Variants in PATJ observed in about 807,000 individuals in gnomAD.
PATJ encodes PATJ crumbs cell polarity complex component.
In PATJ, 190 loss-of-function variants were observed where a neutral mutation model predicts 224.9. The observed-to-expected ratio is 0.84, with a 90% CI of 0.75 to 0.95. PATJ has a LOEUF of 0.95. Among genes scored for constraint, PATJ ranks in the 40% least tolerant of loss-of-function variants. PATJ has a pLI of 0.00. For missense variants in PATJ, 2,121 were observed against 2,270.3 expected (o/e 0.93, Z 1.34); for synonymous variants, 769 against 820.3 (o/e 0.94, Z 1.07).
chr1:61,895,980 G>A (rs560112898), intron 22 of PATJ, among the ~76,000 whole-genome samples: 245 of 152,296 alleles, frequency 1.6e-3, no homozygotes, highest in African/African-American at 5.5e-3. Context: ...ATGGAGTCAA[G>A]GGAGATCATT....
intron 11 of PATJ, 87 bp downstream of exon 11, chr1:61,797,515 C>A: frequency 8.6e-7 from 1 of 1,167,212 alleles, no homozygotes; most frequent in Non-Finnish European, 1.3e-6. Context: ...TGAGTCTCAG[C>A]AGGAAATGTT....
At chr1:62,044,851 T>C in intron 30 of PATJ, among the ~76,000 whole-genome samples, 1 of 152,218 alleles carries the variant, frequency 6.6e-6, no homozygotes, top group Non-Finnish European at 1.5e-5. Context: ...CAGAGGGAAA[T>C]ATTTGTGAAT....
chr1:61,847,193 C>T (rs1662101165), intron 17 of PATJ, among the ~76,000 whole-genome samples: 1 of 152,180 alleles, frequency 6.6e-6, no homozygotes, highest in Non-Finnish European at 1.5e-5. Flanking sequence ...GAAGTGATTT[C>T]CATGGGACTC....
chr1:62,079,434 T>G lies in PATJ; in HGVS notation c.4126-16T>G, dbSNP rs1344675859. Reference sequence around the variant, plus strand: ...TCTCCTTTTTGATATTCATCTAATTTTCCTTTCTTTTGTAGGCTGTCAGCC... The same window carrying G: ...TCTCCTTTTTGATATTCATCTAATTGTCCTTTCTTTTGTAGGCTGTCAGCC... On this transcript the variant is annotated splice_polypyrimidine_tract_variant and intron_variant, in intron 31 of 43. Transcript: ENST00000642238. 8.1e-6 allele frequency: 12 copies of G among 1,479,858 alleles called. No individual in the cohort carries two copies. The highest frequency in any genetic ancestry group is 1.0e-5 in the Non-Finnish European group (11 of 1,061,250). The allele number at this position is 1,479,858 out of a possible 1,614,324, so 91.7% of individuals were successfully genotyped here. A position where few individuals can be genotyped will look rare whatever the true frequency, so the allele number is the denominator to read the frequency against.
At chr1:62,016,570 T>C (rs1294906909) in intron 28 of PATJ, among the ~76,000 whole-genome samples, 1 of 152,068 alleles carries the variant, frequency 6.6e-6, no homozygotes, top group Non-Finnish European at 1.5e-5. Flanking sequence ...ATCAATTGGG[T>C]GAAATAAAAT....
chr1:61,933,795 G>A (rs1676394757), intron 27 of PATJ, among the ~76,000 whole-genome samples: 1 of 152,024 alleles, frequency 6.6e-6, no homozygotes, highest in Non-Finnish European at 1.5e-5. Flanking sequence ...CTCAGTTTTG[G>A]CTCAAGCCAT....
intron 1 of PATJ, among the ~76,000 whole-genome samples, chr1:61,742,774 C>A (rs1425437214): frequency 2.0e-5 from 3 of 150,372 alleles, no homozygotes. Flanking sequence ...CCGCGGCGTG[C>A]GTCCGCGCTG....
intron 26 of PATJ, among the ~76,000 whole-genome samples, chr1:61,923,779 G>A (rs940305561): frequency 9.9e-5 from 15 of 151,892 alleles, no homozygotes; most frequent in South Asian, 2.1e-4. Context: ...AAAATTAGCC[G>A]GCTGTGGTGG....
chr1:62,054,220 G>C (rs1035810640), intron 31 of PATJ: 2 of 200,704 alleles, frequency 1.0e-5, no homozygotes, highest in African/African-American at 4.7e-5. Flanking sequence ...GAAATTAGCT[G>C]AGTGTGGTGA....
chr1:61,833,839 G>A, intron 17 of PATJ, 54 bp downstream of exon 17: 3 of 1,518,580 alleles, frequency 2.0e-6, no homozygotes, highest in Non-Finnish European at 2.7e-6. Flanking sequence ...TTGTATTAAA[G>A]TTATGGGAAG....
chr1:61,955,894 A>T (rs1040951450), intron 27 of PATJ, among the ~76,000 whole-genome samples: 3 of 152,174 alleles, frequency 2.0e-5, no homozygotes, highest in African/African-American at 4.8e-5. Flanking sequence ...TTGGTAATTC[A>T]TGTTGTACAT....
intron 28 of PATJ, among the ~76,000 whole-genome samples, chr1:62,013,004 C>T (rs917764748): frequency 1.3e-5 from 2 of 152,254 alleles, no homozygotes; most frequent in African/African-American, 2.4e-5. Flanking sequence ...TTGCCGGGAG[C>T]AGCTGCCTTA....
intron 28 of PATJ, 118 bp from the exon 29 acceptor site, chr1:62,017,738 A>C: frequency 1.8e-6 from 1 of 567,356 alleles, no homozygotes; most frequent in Non-Finnish European, 3.0e-6. Context: ...TCAAAAAAAA[A>C]AAAAAAAAAG....
rs543190816 is a variant in PATJ at position 62,163,798 on chromosome 1, T to C, written c.*2744T>C. 3.6e-4 allele frequency: 55 copies of C among 152,284 alleles called. No individual in the cohort carries two copies. Among genetic ancestry groups the C allele is most frequent in the African/African-American group, 1.3e-3 (55 of 41,554 alleles). The allele number at this position is 152,284 out of a possible 1,614,324, so 9.4% of individuals were successfully genotyped here. On this transcript the variant is annotated 3_prime_UTR_variant, in exon 44 of 44. Transcript: ENST00000642238. ...CATTTGGGCCATTTCAGTATAGTAA[T>C]GATATCACTAATCGGAATTAGCATG...
At chr1:62,151,115 G>A (rs1477382069) in intron 42 of PATJ, among the ~76,000 whole-genome samples, 2 of 151,310 alleles carry the variant, frequency 1.3e-5, no homozygotes, top group African/African-American at 4.9e-5. Context: ...CTCCAGCCTG[G>A]GCAACAAGAG....
At chr1:61,771,713 A>C in intron 6 of PATJ, 87 bp downstream of exon 6, 2 of 987,890 alleles carry the variant, frequency 2.0e-6, no homozygotes, top group East Asian at 3.1e-5. Flanking sequence ...GTGTCATTTT[A>C]CCTTTCTTTC....
At chr1:61,797,627 G>C (rs1651616536) in intron 11 of PATJ, among the ~76,000 whole-genome samples, 199 bp downstream of exon 11, 1 of 152,202 alleles carries the variant, frequency 6.6e-6, no homozygotes, top group Non-Finnish European at 1.5e-5. Flanking sequence ...ATGGTAGGAT[G>C]TGCACCCGAC....
chr1:62,070,418 T>C (rs1403627571), intron 31 of PATJ, among the ~76,000 whole-genome samples: 1 of 152,216 alleles, frequency 6.6e-6, no homozygotes, highest in Non-Finnish European at 1.5e-5. Context: ...AAGATTTAAG[T>C]TCCCGAACTT....
chr1:61,938,401 A>G (rs1426697308), intron 27 of PATJ, among the ~76,000 whole-genome samples: 1 of 152,164 alleles, frequency 6.6e-6, no homozygotes, highest in East Asian at 1.9e-4. Flanking sequence ...ACAAGAAACA[A>G]AACAAAACAA....
Sources: gnomAD v4.1 joint callset for allele counts (sites outside exome capture counted in the v4.1 genomes callset) on GRCh38, gnomAD v4.1.1 for gene constraint, MANE v1.5 for transcripts, NCBI Gene and HGNC (gene_info 2026-07-23, HGNC 2026-07-21) for gene names.